Variants in GRID2 observed in about 807,000 individuals in gnomAD.
GRID2 encodes glutamate ionotropic receptor delta type subunit 2, also known as glutamate receptor ionotropic, delta-2.
GRID2 carries 33 observed loss-of-function variants against 114.8 expected under a neutral mutation model. That is an observed-to-expected ratio of 0.29 (90% CI 0.22 to 0.38). The LOEUF is 0.38. Among genes scored for constraint, GRID2 ranks in the 10% least tolerant of loss-of-function variants. GRID2 has a pLI of 1.00. For missense variants in GRID2, 1,184 were observed against 1,257.7 expected, an observed-to-expected ratio of 0.94 and a Z score of 0.89; for synonymous variants, 505 against 449.9, an observed-to-expected ratio of 1.12 and a Z score of -1.55.
In GRID2 at chr4:92,304,442, C is replaced by G. The variant is rs1157762955; in HGVS notation, c.-215C>G. ...TGCCAAAATTCCCCTCCAAGTGACA[C>G]GGCTTTGCGAAGGAGGTTTCCTCAG... is the stretch of plus-strand genomic sequence containing the variant. On this transcript the variant is annotated 5_prime_UTR_variant, in exon 1 of 16. Coordinates refer to ENST00000282020, the MANE Select transcript of GRID2 (RefSeq NM_001510.4). 1.7e-6 allele frequency: 1 copy of G among 593,532 alleles called. No homozygotes were observed. Among genetic ancestry groups the G allele is most frequent in the East Asian group, 2.9e-5 (1 of 35,018 alleles). The allele number at this position is 593,532 out of a possible 1,614,324, so 36.8% of individuals were successfully genotyped here.
At chr4:92,794,146 T>C (rs1372601228) in intron 2 of GRID2, among the ~76,000 whole-genome samples, 1 of 151,778 alleles carries the variant, frequency 6.6e-6, no homozygotes, top group African/African-American at 2.4e-5. Context: ...GAGTCAGAGT[T>C]CTTACTATCA....
At chr4:93,241,914 A>G (rs1406879027) in intron 8 of GRID2, among the ~76,000 whole-genome samples, 1 of 151,766 alleles carries the variant, frequency 6.6e-6, no homozygotes, top group Admixed American at 6.6e-5. Flanking sequence ...ATGCTCACAG[A>G]CCAAGCCAGT....
chr4:93,387,810 A>G (rs1187783451), intron 8 of GRID2, among the ~76,000 whole-genome samples: 4 of 149,864 alleles, frequency 2.7e-5, no homozygotes, highest in African/African-American at 1.0e-4. Flanking sequence ...AGTCTGGGCA[A>G]CAGAGCAAGA....
At chr4:92,681,902 GA>G (rs530034490) in intron 2 of GRID2, among the ~76,000 whole-genome samples, 3 of 149,238 alleles carry the variant, frequency 2.0e-5, no homozygotes, top group Admixed American at 6.7e-5. Flanking sequence ...CAGTTAAGAA[GA>G]AAAAAAAAGA....
intron 8 of GRID2, among the ~76,000 whole-genome samples, chr4:93,347,689 C>T (rs1197977846): frequency 6.6e-6 from 1 of 151,934 alleles, no homozygotes; most frequent in African/African-American, 2.4e-5. Context: ...AGTTAACAAC[C>T]CTGTAAGGTA....
intron 8 of GRID2, among the ~76,000 whole-genome samples, chr4:93,360,170 T>C (rs1426391440): frequency 1.3e-5 from 2 of 152,160 alleles, no homozygotes; most frequent in East Asian, 3.9e-4. Flanking sequence ...ACTGGTCTTA[T>C]AAGAAACTTG....
intron 1 of GRID2, among the ~76,000 whole-genome samples, chr4:93,800,403 G>A (rs1157041346): frequency 6.6e-6 from 1 of 152,122 alleles, no homozygotes; most frequent in Non-Finnish European, 1.5e-5. Flanking sequence ...AGTTTGGATC[G>A]AACAATTTGG....
chr4:93,668,920 T>C (rs116798801), intron 14 of GRID2, among the ~76,000 whole-genome samples: 2,557 of 152,172 alleles, frequency 0.017, 77 homozygotes, highest in African/African-American at 0.059. Context: ...ATCCCAGTTA[T>C]GAGCTTTGGA....
intron 2 of GRID2, among the ~76,000 whole-genome samples, chr4:92,972,999 A>G (rs1753626493): frequency 6.6e-6 from 1 of 152,086 alleles, no homozygotes; most frequent in Non-Finnish European, 1.5e-5. Context: ...TTTTTAATCC[A>G]GTCTATCGTT....
intron 8 of GRID2, among the ~76,000 whole-genome samples, chr4:93,368,909 AAG>A (rs958245758): frequency 6.6e-6 from 1 of 152,020 alleles, no homozygotes; most frequent in African/African-American, 2.4e-5. Context: ...TTCATCTAAA[AAG>A]AGAGAGAGAA....
At position 92,506,516 on chromosome 4, in the gene GRID2, G is replaced by A. The variant is rs563764186; in HGVS notation, c.89-83615G>A. On this transcript the variant is annotated intron_variant, in intron 1 of 15. Coordinates refer to ENST00000282020, the MANE Select transcript of GRID2 (RefSeq NM_001510.4). ...TAATCAGAAGAAACATTGATGGCCA[G>A]TTGATTATATTGGGAAAAGTTTGTC... 2.6e-5 allele frequency among the ~76,000 whole-genome samples: 4 copies of A among 152,088 alleles called. No homozygotes were observed. In the East Asian group the frequency reaches 5.8e-4, roughly 22 times the overall value.
chr4:93,051,814 A>G (rs1055173137), intron 2 of GRID2, among the ~76,000 whole-genome samples: 1 of 151,980 alleles, frequency 6.6e-6, no homozygotes, highest in Non-Finnish European at 1.5e-5. Context: ...ACAAAGAGCA[A>G]GAGAGAATGT....
chr4:93,546,669 G>C (rs753901031), intron 13 of GRID2, among the ~76,000 whole-genome samples: 2 of 152,088 alleles, frequency 1.3e-5, no homozygotes, highest in Non-Finnish European at 2.9e-5. Flanking sequence ...CAATTTAATA[G>C]GATACACATG....
intron 4 of GRID2, among the ~76,000 whole-genome samples, chr4:93,153,066 A>T (rs532180160): frequency 6.6e-6 from 1 of 152,156 alleles, no homozygotes; most frequent in African/African-American, 2.4e-5. Flanking sequence ...CCCCAAAGTG[A>T]TTGAATATTC....
intron 2 of GRID2, among the ~76,000 whole-genome samples, chr4:92,741,203 T>A (rs956437108): frequency 1.3e-5 from 2 of 152,162 alleles, no homozygotes; most frequent in Non-Finnish European, 1.5e-5. Context: ...TTCCTTTCAC[T>A]GTAAAATGGG....
intron 1 of GRID2, among the ~76,000 whole-genome samples, chr4:92,340,438 G>T (rs1406981901): frequency 4.6e-5 from 7 of 152,050 alleles, no homozygotes; most frequent in East Asian, 1.9e-4. Context: ...TTCTTGATTT[G>T]GCACTTGCTT....
chr4:93,052,916 G>A (rs985390573), intron 2 of GRID2, among the ~76,000 whole-genome samples: 2 of 151,892 alleles, frequency 1.3e-5, no homozygotes, highest in African/African-American at 4.8e-5. Flanking sequence ...GTGCTGCATA[G>A]GGCCACACAA....
At chr4:93,571,844 G>A (rs1335295338) in intron 13 of GRID2, among the ~76,000 whole-genome samples, 1 of 152,102 alleles carries the variant, frequency 6.6e-6, no homozygotes, top group Non-Finnish European at 1.5e-5. Context: ...TATGGAGGCA[G>A]AACCGAAGTT....
At chr4:93,157,497 A>C (rs1227010755) in intron 4 of GRID2, among the ~76,000 whole-genome samples, 1 of 151,756 alleles carries the variant, frequency 6.6e-6, no homozygotes, top group Non-Finnish European at 1.5e-5. Flanking sequence ...AGAATCACCA[A>C]AATTATACAA....
Sources: gnomAD v4.1 joint callset for allele counts (sites outside exome capture counted in the v4.1 genomes callset) on GRCh38, gnomAD v4.1.1 for gene constraint, MANE v1.5 for transcripts, NCBI Gene and HGNC (gene_info 2026-07-23, HGNC 2026-07-21) for gene names.